LUZP2: variants seen among roughly 807,000 people sequenced by gnomAD.
LUZP2 encodes the protein leucine zipper protein 2.
Under a neutral mutation model 51.6 loss-of-function variants are expected in LUZP2, and 52 were observed. The ratio of observed to expected loss-of-function variants is 1.01; its 90% CI spans 0.81 to 1.27. The LOEUF is 1.27. Ranked by LOEUF, LUZP2 falls within the 50% of genes most tolerant of loss-of-function variation. LUZP2 has a pLI of 0.00. For synonymous variants in LUZP2, 154 were observed against 137.3 expected, an observed-to-expected ratio of 1.12 and a Z score of -0.85; for missense variants, 436 against 395.4, an observed-to-expected ratio of 1.10 and a Z score of -0.87.
intron 6 of LUZP2, among the ~76,000 whole-genome samples, chr11:24,911,886 A>G (rs1464198837): frequency 6.6e-6 from 1 of 152,176 alleles, no homozygotes; most frequent in Non-Finnish European, 1.5e-5. Context: ...GCCATTGGCA[A>G]CTAGGTAGAC....
At chr11:24,574,475 A>G (rs1852574203) in intron 1 of LUZP2, among the ~76,000 whole-genome samples, 1 of 151,582 alleles carries the variant, frequency 6.6e-6, no homozygotes, top group East Asian at 1.9e-4. Context: ...CTTAGAAACT[A>G]AACAAACACT....
At chr11:24,812,837 T>C (rs1477170034) in intron 5 of LUZP2, among the ~76,000 whole-genome samples, 2 of 152,184 alleles carry the variant, frequency 1.3e-5, no homozygotes, top group Non-Finnish European at 2.9e-5. Flanking sequence ...TAGATGATGC[T>C]TTCATACAGG....
At chr11:25,036,375 G>A (rs745549669) in intron 9 of LUZP2, among the ~76,000 whole-genome samples, 1 of 151,770 alleles carries the variant, frequency 6.6e-6, no homozygotes, top group Non-Finnish European at 1.5e-5. Flanking sequence ...TTCTTTGTTA[G>A]TCTAGCTAGT....
At chr11:24,831,044 G>A (rs1468383905) in intron 5 of LUZP2, among the ~76,000 whole-genome samples, 1 of 152,022 alleles carries the variant, frequency 6.6e-6, no homozygotes, top group African/African-American at 2.4e-5. Context: ...GAAGAAGCAA[G>A]GCTAAGAGTC....
chr11:24,820,682 T>C lies in LUZP2; in HGVS notation c.396+57374T>C, dbSNP rs577635864. 4.6e-5 allele frequency among the ~76,000 whole-genome samples: 7 copies of C among 152,130 alleles called. No individual in the cohort carries two copies. In the South Asian group the frequency reaches 1.5e-3, roughly 32 times the overall value. ...TAATGACTCACTGGAAAAGGAAATA[T>C]GGAAAAATGGGGGCAAATATGATTC... On this transcript the variant is annotated intron_variant, in intron 5 of 11. Coordinates refer to ENST00000336930, the MANE Select transcript of LUZP2 (RefSeq NM_001009909.4).
At chr11:24,550,597 T>C (rs1345338388) in intron 1 of LUZP2, among the ~76,000 whole-genome samples, 1 of 152,132 alleles carries the variant, frequency 6.6e-6, no homozygotes, top group Non-Finnish European at 1.5e-5. Context: ...GCAACTTGAA[T>C]CTTTCTAATG....
At chr11:24,652,145 G>A (rs1351708156) in intron 1 of LUZP2, among the ~76,000 whole-genome samples, 1 of 151,690 alleles carries the variant, frequency 6.6e-6, no homozygotes, top group Non-Finnish European at 1.5e-5. Flanking sequence ...TGTATCTCCT[G>A]TTGGTTCCAT....
At chr11:24,801,622 G>A (rs765041172) in intron 5 of LUZP2, among the ~76,000 whole-genome samples, 19 of 151,556 alleles carry the variant, frequency 1.3e-4, no homozygotes, top group South Asian at 6.3e-4. Flanking sequence ...AAGGAGATTC[G>A]GAAAATGCTA....
intron 7 of LUZP2, among the ~76,000 whole-genome samples, chr11:24,974,836 C>G (rs923677487): frequency 2.6e-5 from 4 of 151,850 alleles, no homozygotes; most frequent in Non-Finnish European, 5.9e-5. Context: ...GAGCAAGGGG[C>G]AAGTGGTAGG....
At chr11:24,914,276 C>T (rs1332714105) in intron 6 of LUZP2, among the ~76,000 whole-genome samples, 200 bp from the exon 7 acceptor site, 1 of 152,212 alleles carries the variant, frequency 6.6e-6, no homozygotes, top group Middle Eastern at 3.4e-3. Context: ...AAACAAGCTT[C>T]GGTTTTTCTC....
intron 9 of LUZP2, among the ~76,000 whole-genome samples, chr11:25,027,706 C>T (rs1239490391): frequency 6.6e-6 from 1 of 151,878 alleles, no homozygotes; most frequent in African/African-American, 2.4e-5. Context: ...CCCATCTCTA[C>T]TAAAAATAAA....
In LUZP2 at chr11:24,954,932, G is replaced by T. The variant is rs1855174429; in HGVS notation, c.523-21659G>T. Among the ~76,000 whole-genome samples, 3 of 151,972 alleles carry T rather than the reference G, an allele frequency of 2.0e-5. No homozygotes were observed. In the South Asian group the frequency reaches 6.2e-4, roughly 31 times the overall value. ...GAGTAGGAACGGACCAGAAAGAATA[G>T]GGTACCAAATAATTTTCCACAACTT... On this transcript the variant is annotated intron_variant, in intron 7 of 11. Coordinates refer to ENST00000336930, the MANE Select transcript of LUZP2 (RefSeq NM_001009909.4).
chr11:25,028,137 A>G (rs901368923), intron 9 of LUZP2, among the ~76,000 whole-genome samples: 5 of 152,134 alleles, frequency 3.3e-5, no homozygotes, highest in Admixed American at 6.6e-5. Context: ...CAAGCATACA[A>G]TGCGTAATAG....
intron 5 of LUZP2, among the ~76,000 whole-genome samples, chr11:24,857,559 A>C (rs1851608315): frequency 1.3e-5 from 1 of 79,168 alleles, no homozygotes; most frequent in Non-Finnish European, 2.7e-5. Context: ...TATCCAAAAT[A>C]GGTCTTTTTT....
chr11:24,975,042 G>A (rs1469433921), intron 7 of LUZP2, among the ~76,000 whole-genome samples: 1 of 151,726 alleles, frequency 6.6e-6, no homozygotes, highest in African/African-American at 2.4e-5. Flanking sequence ...CTGTAAGCTG[G>A]GTTTATTGTA....
intron 5 of LUZP2, chr11:24,785,870 C>T (rs970486872): frequency 2.0e-6 from 2 of 985,176 alleles, no homozygotes; most frequent in African/African-American, 1.7e-5. Context: ...TGCTCTGTTT[C>T]TCCCTAAAAA....
At position 24,998,077 on chromosome 11, in the gene LUZP2, T is replaced by G. The variant is rs184182856; in HGVS notation, c.765+14784T>G. Among the ~76,000 whole-genome samples, 449 of 152,274 alleles carry G rather than the reference T, an allele frequency of 2.9e-3. 3 individuals carry two copies. Among genetic ancestry groups the G allele is most frequent in the African/African-American group, 0.01 (417 of 41,572 alleles). ...GTGATGCCTCCAGCTTTGTTCTTTT[T>G]GCTTAGGATTGACTTGGCGATGCGG... On this transcript the variant is annotated intron_variant, in intron 9 of 11. Transcript: ENST00000336930.
In LUZP2 at chr11:24,653,819, T is replaced by G. The variant is rs146744301; in HGVS notation, c.63-75350T>G. On this transcript the variant is annotated intron_variant, in intron 1 of 11. Transcript: ENST00000336930. Reference sequence around the variant, plus strand: ...GAAGAGAGTCTACAAATGTGTAGGATACTGCCCATGTGTTACGGTAAGATA... The same window carrying G: ...GAAGAGAGTCTACAAATGTGTAGGAGACTGCCCATGTGTTACGGTAAGATA... Among the ~76,000 whole-genome samples the G allele has an allele frequency of 5.1e-4, 78 of 152,344 alleles. No homozygotes were observed. The East Asian group carries it at 0.011, about 22-fold the overall frequency.
At chr11:24,855,720 A>G (rs1851544484) in intron 5 of LUZP2, among the ~76,000 whole-genome samples, 1 of 152,194 alleles carries the variant, frequency 6.6e-6, no homozygotes, top group Non-Finnish European at 1.5e-5. Flanking sequence ...TCAAATTATA[A>G]CACAGGCTAT....
Sources: allele counts gnomAD v4.1 joint callset (sites outside exome capture counted in the v4.1 genomes callset), GRCh38; gene constraint gnomAD v4.1.1; transcripts MANE v1.5; gene names NCBI Gene and HGNC (gene_info 2026-07-23, HGNC 2026-07-21).